CCSER1: variants seen among roughly 807,000 people sequenced by gnomAD.
The protein encoded by CCSER1 is serine-rich coiled-coil domain-containing protein 1.
In CCSER1, 41 loss-of-function variants were observed where a neutral mutation model predicts 82.0. The observed-to-expected ratio is 0.50, with a 90% CI of 0.39 to 0.65. The LOEUF (loss-of-function observed/expected upper bound fraction) is 0.65. Ranked by LOEUF, CCSER1 falls within the 30% of genes least tolerant of loss-of-function variation. The pLI is 0.00. For synonymous variants in CCSER1, 414 were observed against 383.9 expected, an observed-to-expected ratio of 1.08 and a Z score of -0.92; for missense variants, 1,119 against 1,064.2, an observed-to-expected ratio of 1.05 and a Z score of -0.72.
chr4:91,519,119 G>C (rs1192313301), intron 10 of CCSER1, among the ~76,000 whole-genome samples: 1 of 152,224 alleles, frequency 6.6e-6, no homozygotes, highest in African/African-American at 2.4e-5. Flanking sequence ...GGTGGGGGCA[G>C]GGTAGATGTG....
chr4:90,841,773 A>G (rs1041666878), intron 8 of CCSER1, among the ~76,000 whole-genome samples: 1 of 152,120 alleles, frequency 6.6e-6, no homozygotes, highest in African/African-American at 2.4e-5. Context: ...GTGAAGCTGT[A>G]TTATTCCTCT....
In CCSER1 at chr4:90,798,249, C is replaced by T. The variant is rs201145354; in HGVS notation, c.2011-17513C>T. Reference sequence around the variant, plus strand: ...AGTCCTCAATTCATGAGATTCTTTCCTTTTCTTGGTATATTCTGCTGTTGA... The same window carrying T: ...AGTCCTCAATTCATGAGATTCTTTCTTTTTCTTGGTATATTCTGCTGTTGA... On this transcript the variant is annotated intron_variant, in intron 7 of 10. Coordinates refer to ENST00000509176, the MANE Select transcript of CCSER1 (RefSeq NM_001145065.2). 3.9e-5 allele frequency among the ~76,000 whole-genome samples: 6 copies of T among 152,120 alleles called. No individual in the cohort carries two copies. In the East Asian group the frequency reaches 1.2e-3, roughly 29 times the overall value.
chr4:90,652,052 A>G (rs868797095), intron 6 of CCSER1, among the ~76,000 whole-genome samples: 4 of 152,310 alleles, frequency 2.6e-5, no homozygotes, highest in Non-Finnish European at 4.4e-5. Context: ...GCTAGCATTT[A>G]TGAAACTGGG....
At chr4:91,392,307 T>C (rs1176798035) in intron 10 of CCSER1, among the ~76,000 whole-genome samples, 1 of 151,370 alleles carries the variant, frequency 6.6e-6, no homozygotes, top group Non-Finnish European at 1.5e-5. Flanking sequence ...AATAAAACTC[T>C]TATATTTTCT....
chr4:90,604,222 G>A (rs985796520), intron 5 of CCSER1, among the ~76,000 whole-genome samples: 8 of 152,108 alleles, frequency 5.3e-5, no homozygotes, highest in African/African-American at 1.7e-4. Flanking sequence ...TACAAAATCT[G>A]TATTTTTTTT....
chr4:90,531,402 T>C (rs1774510413), intron 5 of CCSER1, among the ~76,000 whole-genome samples: 2 of 151,738 alleles, frequency 1.3e-5, no homozygotes, highest in African/African-American at 2.4e-5. Flanking sequence ...GTTTCTTTTT[T>C]TTTTTTTTTT....
chr4:91,228,068 T>C (rs1002122189), intron 10 of CCSER1, among the ~76,000 whole-genome samples: 3 of 152,064 alleles, frequency 2.0e-5, no homozygotes, highest in Admixed American at 6.6e-5. Flanking sequence ...CTTGACCACA[T>C]TTACTCACCT....
intron 10 of CCSER1, among the ~76,000 whole-genome samples, chr4:91,468,939 C>T (rs536928586): frequency 3.9e-4 from 59 of 152,074 alleles, no homozygotes; most frequent in Non-Finnish European, 6.3e-4. Context: ...GGCCAAAATT[C>T]AATCTCATAT....
chr4:90,474,868 AT>A (rs1224607047), intron 5 of CCSER1, among the ~76,000 whole-genome samples: 1 of 152,182 alleles, frequency 6.6e-6, no homozygotes, highest in Non-Finnish European at 1.5e-5. Context: ...ATTACTAAGT[AT>A]TTGCAATAAG....
chr4:90,279,150 T>G (rs940474970), intron 1 of CCSER1, among the ~76,000 whole-genome samples: 1 of 152,104 alleles, frequency 6.6e-6, no homozygotes, highest in Non-Finnish European at 1.5e-5. Context: ...AAGTTGGACT[T>G]GAGATAAAAT....
chr4:90,571,349 A>G (rs1424114528), intron 5 of CCSER1, among the ~76,000 whole-genome samples: 1 of 152,220 alleles, frequency 6.6e-6, no homozygotes, highest in Non-Finnish European at 1.5e-5. Flanking sequence ...TCAGTGGTGG[A>G]TTTGATAAAG....
chr4:91,446,078 T>C (rs1209798150), intron 10 of CCSER1, among the ~76,000 whole-genome samples: 1 of 152,144 alleles, frequency 6.6e-6, no homozygotes, highest in African/African-American at 2.4e-5. Flanking sequence ...ATTCTGACTT[T>C]GTTTTGCTTT....
chr4:90,783,969 A>AG (rs1754147993), intron 7 of CCSER1, among the ~76,000 whole-genome samples: 3 of 151,824 alleles, frequency 2.0e-5, no homozygotes, highest in South Asian at 2.1e-4. Flanking sequence ...GCTGCAACTT[A>AG]CAAAAAAAAA....
chr4:91,085,714 T>C (rs570390876), intron 9 of CCSER1, among the ~76,000 whole-genome samples: 170 of 152,216 alleles, frequency 1.1e-3, no homozygotes, highest in Non-Finnish European at 2.3e-3. Flanking sequence ...GTATTAACAT[T>C]TTATTTTTAC....
intron 8 of CCSER1, among the ~76,000 whole-genome samples, chr4:90,873,460 A>G (rs1204676132): frequency 6.6e-6 from 1 of 152,020 alleles, no homozygotes; most frequent in Non-Finnish European, 1.5e-5. Flanking sequence ...GGAGGGTTCT[A>G]TTTTACTATC....
At chr4:91,229,944 A>G (rs1738494620) in intron 10 of CCSER1, among the ~76,000 whole-genome samples, 1 of 152,148 alleles carries the variant, frequency 6.6e-6, no homozygotes, top group African/African-American at 2.4e-5. Context: ...TGGCATATGT[A>G]TACCTATGTA....
At chr4:90,825,684 A>G (rs1365603029) in intron 8 of CCSER1, among the ~76,000 whole-genome samples, 1 of 151,392 alleles carries the variant, frequency 6.6e-6, no homozygotes, top group African/African-American at 2.4e-5. Flanking sequence ...TCCTCTGGGC[A>G]TGGCAAAACA....
intron 10 of CCSER1, among the ~76,000 whole-genome samples, chr4:91,373,327 C>T (rs72656163): frequency 0.021 from 3,215 of 152,208 alleles, 51 homozygotes; most frequent in Non-Finnish European, 0.031. Flanking sequence ...TTTGTATCAA[C>T]CCCGCCTCGA....
chr4:90,249,284 A>G (rs1186650477), intron 1 of CCSER1, among the ~76,000 whole-genome samples: 1 of 152,172 alleles, frequency 6.6e-6, no homozygotes, highest in African/African-American at 2.4e-5. Flanking sequence ...TTGTCAATGC[A>G]AAGCTTGCTA....
Sources: gnomAD v4.1 joint callset for allele counts (sites outside exome capture counted in the v4.1 genomes callset) on GRCh38, gnomAD v4.1.1 for gene constraint, MANE v1.5 for transcripts, NCBI Gene and HGNC (gene_info 2026-07-23, HGNC 2026-07-21) for gene names.